The following CSMD1 variants were observed in gnomAD, a reference collection of about 807,000 sequenced individuals.
CSMD1 encodes CUB and Sushi multiple domains 1.
CSMD1 carries 213 observed loss-of-function variants against 417.5 expected under a neutral mutation model. The ratio of observed to expected loss-of-function variants is 0.51; its 90% CI spans 0.46 to 0.57. CSMD1 has a LOEUF of 0.57. CSMD1 is among the 20% of genes least tolerant of loss of function. CSMD1 has a pLI of 0.00. For missense variants in CSMD1, 6,923 were observed against 4,529.7 expected, an observed-to-expected ratio of 1.53 and a Z score of -15.17; for synonymous variants, 2,862 against 1,736.8, an observed-to-expected ratio of 1.65 and a Z score of -16.11.
At chr8:4,593,268 A>G (rs1412970392) in intron 2 of CSMD1, among the ~76,000 whole-genome samples, 2 of 152,218 alleles carry the variant, frequency 1.3e-5, no homozygotes, top group Non-Finnish European at 2.9e-5. Context: ...GAGCGTTAAT[A>G]TGATTTCCCC....
At chr8:3,524,151 A>G (rs1326855322) in intron 10 of CSMD1, among the ~76,000 whole-genome samples, 2 of 151,808 alleles carry the variant, frequency 1.3e-5, no homozygotes, top group African/African-American at 2.4e-5. Context: ...GCACATATGC[A>G]TGCACAGCCA....
intron 12 of CSMD1, among the ~76,000 whole-genome samples, chr8:3,448,061 T>C (rs73174846): frequency 0.1 from 15,734 of 151,738 alleles, 973 homozygotes; most frequent in East Asian, 0.26. Context: ...ATACACAGGA[T>C]TTCTAATAAC....
chr8:4,330,363 G>T (rs78330630), intron 3 of CSMD1, among the ~76,000 whole-genome samples: 7,478 of 152,140 alleles, frequency 0.049, 610 homozygotes, highest in African/African-American at 0.17. Flanking sequence ...AGGAGGACTA[G>T]TCAGGCAGAT....
intron 1 of CSMD1, among the ~76,000 whole-genome samples, chr8:4,914,535 G>A (rs975120808): frequency 6.8e-5 from 10 of 148,054 alleles, no homozygotes; most frequent in Non-Finnish European, 1.3e-4. Context: ...CTGAGATCGC[G>A]CCACTGCACT....
intron 1 of CSMD1, among the ~76,000 whole-genome samples, chr8:4,704,137 C>G (rs1165653870): frequency 1.3e-5 from 2 of 152,164 alleles, no homozygotes; most frequent in Admixed American, 1.3e-4. Context: ...AGGTGGGGAC[C>G]CGTGATCTAG....
At chr8:4,737,746 A>T (rs1335598360) in intron 1 of CSMD1, among the ~76,000 whole-genome samples, 1 of 152,214 alleles carries the variant, frequency 6.6e-6, no homozygotes, top group Non-Finnish European at 1.5e-5. Flanking sequence ...AATCAATGCA[A>T]AGGCAATAGA....
intron 1 of CSMD1, among the ~76,000 whole-genome samples, chr8:4,713,609 A>G (rs903800840): frequency 2.6e-5 from 4 of 151,882 alleles, no homozygotes; most frequent in Non-Finnish European, 4.4e-5. Flanking sequence ...CCATATGATA[A>G]TGCATAAAGT....
At chr8:3,791,552 G>A (rs1292929323) in intron 5 of CSMD1, among the ~76,000 whole-genome samples, 1 of 152,184 alleles carries the variant, frequency 6.6e-6, no homozygotes, top group Non-Finnish European at 1.5e-5. Flanking sequence ...GGCCGGGCAT[G>A]GTGGCTCACG....
chr8:4,767,431 A>T (rs1340558571), intron 1 of CSMD1, among the ~76,000 whole-genome samples: 1 of 152,058 alleles, frequency 6.6e-6, no homozygotes, highest in Non-Finnish European at 1.5e-5. Context: ...TTAAAACATC[A>T]TCCTGACCAA....
chr8:4,884,383 G>A (rs1283726064), intron 1 of CSMD1, among the ~76,000 whole-genome samples: 1 of 151,906 alleles, frequency 6.6e-6, no homozygotes, highest in Non-Finnish European at 1.5e-5. Flanking sequence ...TTTTGATGAA[G>A]TCCAATATCT....
At chr8:4,776,669 T>C (rs1315775083) in intron 1 of CSMD1, among the ~76,000 whole-genome samples, 1 of 152,216 alleles carries the variant, frequency 6.6e-6, no homozygotes, top group East Asian at 1.9e-4. Flanking sequence ...TAAGTCAGGA[T>C]TCTTTACCAC....
intron 2 of CSMD1, among the ~76,000 whole-genome samples, chr8:4,599,679 C>T (rs1481738136): frequency 6.6e-6 from 1 of 152,130 alleles, no homozygotes; most frequent in Non-Finnish European, 1.5e-5. Context: ...CAAACTATTT[C>T]ACCATCAGCA....
At chr8:3,505,904 G>A (rs1585269618) in intron 10 of CSMD1, among the ~76,000 whole-genome samples, 1 of 152,140 alleles carries the variant, frequency 6.6e-6, no homozygotes, top group South Asian at 2.1e-4. Context: ...AGTTACTTAA[G>A]GAGGTTCTTT....
At chr8:4,028,628 T>C (rs1424548664) in intron 4 of CSMD1, among the ~76,000 whole-genome samples, 2 of 152,320 alleles carry the variant, frequency 1.3e-5, no homozygotes, top group Non-Finnish European at 2.9e-5. Context: ...ATGCTTACAA[T>C]CCTAGATTAA....
At position 3,307,122 on chromosome 8, in the gene CSMD1, G is replaced by A. The variant is rs542242981; in HGVS notation, c.3950+573C>T. 2.6e-4 allele frequency among the ~76,000 whole-genome samples: 39 copies of A among 152,300 alleles called. No homozygotes were observed. The South Asian group carries it at 7.9e-3, about 31-fold the overall frequency. Reference sequence around the variant, plus strand: ...TTCTCTTCCTATTAAAAGAACAGTAGAGTGTATTTCTTCATATCTTGAGTC... The same window carrying A: ...TTCTCTTCCTATTAAAAGAACAGTAAAGTGTATTTCTTCATATCTTGAGTC... On this transcript the variant is annotated intron_variant, in intron 25 of 69. Coordinates refer to ENST00000635120, the MANE Select transcript of CSMD1 (RefSeq NM_033225.6).
At chr8:3,107,612 C>A in intron 45 of CSMD1, 106 bp downstream of exon 45, 1 of 597,266 alleles carries the variant, frequency 1.7e-6, no homozygotes, top group Non-Finnish European at 2.8e-6. Flanking sequence ...GTTTTTGTTT[C>A]TCTGACAAAT....
chr8:3,095,642 T>C (rs1445422825), intron 47 of CSMD1, among the ~76,000 whole-genome samples: 1 of 152,210 alleles, frequency 6.6e-6, no homozygotes, highest in Non-Finnish European at 1.5e-5. Context: ...ATCAAATCCA[T>C]TAGAATAATT....
chr8:3,779,431 A>T (rs1224862055), intron 5 of CSMD1, among the ~76,000 whole-genome samples: 2 of 152,164 alleles, frequency 1.3e-5, no homozygotes, highest in African/African-American at 4.8e-5. Context: ...ATCAAGAAAG[A>T]TCGTTTAAGT....
intron 3 of CSMD1, among the ~76,000 whole-genome samples, chr8:4,341,739 G>T (rs1800489728): frequency 6.6e-6 from 1 of 152,092 alleles, no homozygotes; most frequent in Non-Finnish European, 1.5e-5. Context: ...ATTAGAATTA[G>T]GCAGTTAGGG....
Sources: gnomAD v4.1 joint callset for allele counts (sites outside exome capture counted in the v4.1 genomes callset) on GRCh38, gnomAD v4.1.1 for gene constraint, MANE v1.5 for transcripts, NCBI Gene and HGNC (gene_info 2026-07-23, HGNC 2026-07-21) for gene names.